The following EXOC6B variants were observed in gnomAD, a reference collection of about 807,000 sequenced individuals.
EXOC6B encodes SEC15 homolog B.
Under a neutral mutation model 113.5 loss-of-function variants are expected in EXOC6B, and 54 were observed. The observed-to-expected ratio is 0.48, with a 90% CI of 0.38 to 0.60. EXOC6B has a LOEUF of 0.60. Ranked by LOEUF, EXOC6B falls within the 20% of genes least tolerant of loss-of-function variation. EXOC6B has a pLI of 0.00. For synonymous variants in EXOC6B, 357 were observed against 339.0 expected (o/e 1.05, Z -0.58); for missense variants, 797 against 977.5 (o/e 0.82, Z 2.46).
intron 21 of EXOC6B, among the ~76,000 whole-genome samples, chr2:72,179,959 A>G (rs1375877785): frequency 6.6e-6 from 1 of 152,240 alleles, no homozygotes; most frequent in Non-Finnish European, 1.5e-5. Flanking sequence ...AGGCCACTGT[A>G]TATTTCTAAA....
chr2:72,203,413 C>T (rs1183430676), intron 20 of EXOC6B, among the ~76,000 whole-genome samples: 3 of 152,122 alleles, frequency 2.0e-5, no homozygotes, highest in South Asian at 2.1e-4. Flanking sequence ...CCATGGTATG[C>T]GTGATATACT....
At chr2:72,423,254 A>G (rs776966873) in intron 18 of EXOC6B, among the ~76,000 whole-genome samples, 1 of 151,824 alleles carries the variant, frequency 6.6e-6, no homozygotes, top group African/African-American at 2.4e-5. Flanking sequence ...ACCAGAAGGA[A>G]GAAACTCCGA....
At chr2:72,306,550 T>C (rs11903453) in intron 20 of EXOC6B, among the ~76,000 whole-genome samples, 1 of 152,054 alleles carries the variant, frequency 6.6e-6, no homozygotes, top group Non-Finnish European at 1.5e-5. Context: ...TTGTAATGTT[T>C]CTCATATTTC....
intron 20 of EXOC6B, among the ~76,000 whole-genome samples, chr2:72,273,457 G>C (rs1462838625): frequency 2.0e-5 from 3 of 152,088 alleles, no homozygotes; most frequent in Non-Finnish European, 4.4e-5. Context: ...AATAAACACA[G>C]TATAGTATGA....
At chr2:72,495,595 T>C in intron 14 of EXOC6B, 56 bp from the exon 15 acceptor site, 2 of 939,084 alleles carry the variant, frequency 2.1e-6, no homozygotes, top group Non-Finnish European at 3.3e-6. Context: ...ATTGAAGATA[T>C]TTATAAATTA....
chr2:72,615,278 T>C (rs1671314089), intron 6 of EXOC6B, among the ~76,000 whole-genome samples: 2 of 152,112 alleles, frequency 1.3e-5, no homozygotes, highest in African/African-American at 4.8e-5. Context: ...ATTTTATATA[T>C]GAAATCATAC....
chr2:72,740,147 A>G (rs1188316292), intron 2 of EXOC6B, among the ~76,000 whole-genome samples: 1 of 152,160 alleles, frequency 6.6e-6, no homozygotes, highest in Non-Finnish European at 1.5e-5. Context: ...TTATAGCTTT[A>G]GAATACAATA....
chr2:72,316,417 A>C (rs1051147252), intron 20 of EXOC6B, among the ~76,000 whole-genome samples: 8 of 152,148 alleles, frequency 5.3e-5, no homozygotes, highest in African/African-American at 1.9e-4. Flanking sequence ...ACTGCCACCT[A>C]AGTTCCCTTT....
At chr2:72,744,466 C>T (rs912274330) in intron 1 of EXOC6B, among the ~76,000 whole-genome samples, 3 of 152,100 alleles carry the variant, frequency 2.0e-5, no homozygotes, top group Non-Finnish European at 4.4e-5. Flanking sequence ...GAGAATCTAC[C>T]GTTGACATTT....
chr2:72,549,003 C>T (rs554705804), intron 8 of EXOC6B, among the ~76,000 whole-genome samples: 2 of 151,524 alleles, frequency 1.3e-5, no homozygotes, highest in South Asian at 2.1e-4. Context: ...CAGAGTGAGA[C>T]GCTGTCTCAA....
intron 5 of EXOC6B, among the ~76,000 whole-genome samples, chr2:72,718,946 G>A (rs867251461): frequency 1.2e-4 from 19 of 152,262 alleles, no homozygotes; most frequent in African/African-American, 4.3e-4. Flanking sequence ...TCCAACTATG[G>A]CACACAGAAA....
chr2:72,645,354 C>T (rs937526310), intron 6 of EXOC6B, among the ~76,000 whole-genome samples: 8 of 152,106 alleles, frequency 5.3e-5, no homozygotes, highest in Non-Finnish European at 1.0e-4. Flanking sequence ...GACTTTAACA[C>T]CCCACTGTCA....
chr2:72,220,528 G>T (rs1295878327), intron 20 of EXOC6B, among the ~76,000 whole-genome samples: 1 of 152,092 alleles, frequency 6.6e-6, no homozygotes, highest in Admixed American at 6.5e-5. Context: ...AGAAAGTACT[G>T]TGTGGTTCTG....
chr2:72,659,059 T>C (rs1000393478), intron 6 of EXOC6B, among the ~76,000 whole-genome samples: 4 of 152,138 alleles, frequency 2.6e-5, no homozygotes, highest in African/African-American at 9.6e-5. Context: ...CCAGTATTTA[T>C]AGTCTGTCTT....
In EXOC6B at chr2:72,512,314, CGG is replaced by C. The variant is rs1700948142; in HGVS notation, c.1167+816_1167+817del. 7.4e-5 allele frequency among the ~76,000 whole-genome samples: 8 copies of C among 107,624 alleles called. No homozygotes were observed. The South Asian group carries it at 9.3e-4, about 12-fold the overall frequency. 70.6% of individuals were successfully genotyped at this position (107,624 alleles called of 152,430 possible). On this transcript the variant is annotated intron_variant, in intron 11 of 21. Transcript: ENST00000272427. Reference sequence around the variant, plus strand: ...AAGCATAATCAATCTTTAAGAAACACGGAAGGAAGGAAGGAAGGAAGGAAGGA... The same window carrying C: ...AAGCATAATCAATCTTTAAGAAACACAAGGAAGGAAGGAAGGAAGGAAGGA...
chr2:72,813,436 T>C (rs772575814), intron 1 of EXOC6B, among the ~76,000 whole-genome samples: 2 of 152,180 alleles, frequency 1.3e-5, no homozygotes, highest in Non-Finnish European at 2.9e-5. Context: ...ACATTTATCA[T>C]TTAAAATGCC....
At chr2:72,387,785 T>TCTTC (rs1313546284) in intron 18 of EXOC6B, among the ~76,000 whole-genome samples, 2 of 152,174 alleles carry the variant, frequency 1.3e-5, no homozygotes, top group Non-Finnish European at 2.9e-5. Context: ...GTGTTTTATT[T>TCTTC]CTTCCACTAT....
At chr2:72,460,542 G>A (rs1573172831) in intron 18 of EXOC6B, among the ~76,000 whole-genome samples, 1 of 152,130 alleles carries the variant, frequency 6.6e-6, no homozygotes, top group East Asian at 1.9e-4. Flanking sequence ...CAAAAAGTGG[G>A]TGAAAGACAT....
At chr2:72,692,642 C>A (rs1003615727) in intron 6 of EXOC6B, among the ~76,000 whole-genome samples, 1 of 152,144 alleles carries the variant, frequency 6.6e-6, no homozygotes, top group African/African-American at 2.4e-5. Flanking sequence ...TGAGCCGCTG[C>A]GCCTGGCCTT....
Sources: allele counts gnomAD v4.1 joint callset (sites outside exome capture counted in the v4.1 genomes callset), GRCh38; gene constraint gnomAD v4.1.1; transcripts MANE v1.5; gene names NCBI Gene and HGNC (gene_info 2026-07-23, HGNC 2026-07-21).